PTPRT: variants seen among roughly 807,000 people sequenced by gnomAD.
The protein encoded by PTPRT is protein tyrosine phosphatase receptor type T, also known as receptor-type tyrosine-protein phosphatase T.
PTPRT carries 56 observed loss-of-function variants against 176.8 expected under a neutral mutation model. The ratio of observed to expected loss-of-function variants is 0.32; its 90% CI spans 0.26 to 0.40. The LOEUF is 0.40. Among genes scored for constraint, PTPRT ranks in the 10% least tolerant of loss-of-function variants. PTPRT has a pLI of 1.00. For synonymous variants in PTPRT, 783 were observed against 739.0 expected (o/e 1.06, Z -0.96); for missense variants, 1,540 against 1,908.2 (o/e 0.81, Z 3.60).
chr20:42,964,119 G>A (rs1982159038), intron 1 of PTPRT, among the ~76,000 whole-genome samples: 1 of 152,016 alleles, frequency 6.6e-6, no homozygotes. Context: ...ACAAGCATAA[G>A]AAATAGAAAG....
chr20:42,142,875 G>A (rs776877533), intron 17 of PTPRT, among the ~76,000 whole-genome samples: 1 of 152,160 alleles, frequency 6.6e-6, no homozygotes, highest in Non-Finnish European at 1.5e-5. Context: ...ATTAATGATA[G>A]ATACTATAAT....
intron 7 of PTPRT, among the ~76,000 whole-genome samples, chr20:42,650,735 G>A (rs2075014672): frequency 6.6e-6 from 1 of 152,164 alleles, no homozygotes; most frequent in Admixed American, 6.5e-5. Flanking sequence ...GAATACTTAT[G>A]CAAAGATAAA....
intron 12 of PTPRT, among the ~76,000 whole-genome samples, chr20:42,284,761 T>C (rs2057200682): frequency 6.6e-6 from 1 of 151,926 alleles, no homozygotes; most frequent in South Asian, 2.1e-4. Context: ...AACAAGTGTT[T>C]TCTTCTTCAT....
At position 42,074,066 on chromosome 20, in the gene PTPRT, C is replaced by T; in HGVS notation, c.*6813G>A. 1 of 229,804 alleles carries T rather than the reference C, an allele frequency of 4.4e-6. No individual in the cohort carries two copies. Among genetic ancestry groups the T allele is most frequent in the Non-Finnish European group, 8.6e-6 (1 of 115,900 alleles). 14.2% of individuals were successfully genotyped at this position (229,804 alleles called of 1,614,324 possible). A position where few individuals can be genotyped will look rare whatever the true frequency, so the allele number is the denominator to read the frequency against. ...GTGCTTGACTTCATCCAAGAATCTG[C>T]AGAGCTATGGAAGATATGGACACCA... On this transcript the variant is annotated 3_prime_UTR_variant, in exon 31 of 31. Transcript: ENST00000373187.
chr20:42,802,621 G>A (rs890385420), intron 2 of PTPRT, among the ~76,000 whole-genome samples: 2 of 152,256 alleles, frequency 1.3e-5, no homozygotes, highest in South Asian at 2.1e-4. Flanking sequence ...TTTTTTTAAC[G>A]TAAAGGTATT....
intron 9 of PTPRT, among the ~76,000 whole-genome samples, chr20:42,379,140 A>G (rs1372144516): frequency 6.6e-6 from 1 of 152,164 alleles, no homozygotes; most frequent in African/African-American, 2.4e-5. Context: ...TCTTATGCCT[A>G]CCACTCCCTC....
chr20:43,076,237 C>T (rs1365118193), intron 1 of PTPRT, among the ~76,000 whole-genome samples: 7 of 152,110 alleles, frequency 4.6e-5, no homozygotes, highest in Admixed American at 3.9e-4. Context: ...TCTACCTTCC[C>T]AGTTTCTCAT....
intron 1 of PTPRT, among the ~76,000 whole-genome samples, chr20:43,128,524 T>C (rs928625712): frequency 6.6e-6 from 1 of 152,122 alleles, no homozygotes; most frequent in Non-Finnish European, 1.5e-5. Context: ...GGCCCCAAAA[T>C]AGTCAGGTGA....
chr20:42,996,549 A>G (rs746559984), intron 1 of PTPRT, among the ~76,000 whole-genome samples: 3 of 152,202 alleles, frequency 2.0e-5, no homozygotes, highest in African/African-American at 7.2e-5. Flanking sequence ...TCCACTTTGC[A>G]CACACAAGCT....
At chr20:42,986,385 C>A (rs6124514) in intron 1 of PTPRT, among the ~76,000 whole-genome samples, 1 of 152,108 alleles carries the variant, frequency 6.6e-6, no homozygotes, top group South Asian at 2.1e-4. Context: ...CATTTTAGGA[C>A]GACCAGCGTT....
At chr20:42,737,348 G>A (rs2076555399) in intron 6 of PTPRT, among the ~76,000 whole-genome samples, 3 of 152,124 alleles carry the variant, frequency 2.0e-5, no homozygotes, top group Admixed American at 1.3e-4. Context: ...GAAGAGGCAT[G>A]GGCTGGGCAT....
intron 6 of PTPRT, among the ~76,000 whole-genome samples, chr20:42,733,398 G>C (rs973221148): frequency 6.6e-6 from 1 of 152,186 alleles, no homozygotes; most frequent in Non-Finnish European, 1.5e-5. Context: ...TCTTTGCTTT[G>C]CCTTGTGAAG....
chr20:43,079,091 C>T (rs1039497081), intron 1 of PTPRT, among the ~76,000 whole-genome samples: 12 of 152,080 alleles, frequency 7.9e-5, no homozygotes, highest in African/African-American at 2.2e-4. Flanking sequence ...TTTTTAAGCA[C>T]GACCACCACC....
chr20:42,268,335 G>A (rs2056873618), intron 13 of PTPRT, among the ~76,000 whole-genome samples: 1 of 152,178 alleles, frequency 6.6e-6, no homozygotes, highest in Non-Finnish European at 1.5e-5. Context: ...AAGAACAAAA[G>A]CACCTGATAT....
rs1601095737 is a variant in PTPRT at position 42,476,794 on chromosome 20, A to C, written c.1154-4232T>G. 2.0e-5 allele frequency among the ~76,000 whole-genome samples: 3 copies of C among 152,248 alleles called. No individual in the cohort carries two copies. In the South Asian group the frequency reaches 6.2e-4, roughly 32 times the overall value. On this transcript the variant is annotated intron_variant, in intron 7 of 30. Coordinates refer to ENST00000373187, the MANE Select transcript of PTPRT (RefSeq NM_007050.6). ...CTACCCTTAGCACTTGTGTCCTAAA[A>C]ACAACTCGACGGTATAGGAAGTTGA... is the stretch of plus-strand genomic sequence containing the variant.
chr20:42,715,621 A>G (rs1033479631), intron 6 of PTPRT, among the ~76,000 whole-genome samples: 2 of 152,194 alleles, frequency 1.3e-5, no homozygotes, highest in African/African-American at 2.4e-5. Context: ...ATGGATACAT[A>G]TACACAAATA....
intron 18 of PTPRT, among the ~76,000 whole-genome samples, chr20:42,137,586 T>C (rs903614395): frequency 7.2e-5 from 11 of 152,206 alleles, no homozygotes; most frequent in African/African-American, 2.7e-4. Context: ...ACAGACTTGC[T>C]GTGTGCTCTC....
At chr20:42,374,791 G>A (rs2058631145) in intron 9 of PTPRT, among the ~76,000 whole-genome samples, 1 of 152,168 alleles carries the variant, frequency 6.6e-6, no homozygotes, top group African/African-American at 2.4e-5. Flanking sequence ...TGGAGTGAGA[G>A]TTTCATGCAT....
At chr20:43,087,527 C>T (rs1041852784) in intron 1 of PTPRT, among the ~76,000 whole-genome samples, 1 of 151,998 alleles carries the variant, frequency 6.6e-6, no homozygotes, top group Non-Finnish European at 1.5e-5. Context: ...CCATGCCCAG[C>T]TAATGTTTGC....
Sources: allele counts gnomAD v4.1 joint callset (sites outside exome capture counted in the v4.1 genomes callset), GRCh38; gene constraint gnomAD v4.1.1; transcripts MANE v1.5; gene names NCBI Gene and HGNC (gene_info 2026-07-23, HGNC 2026-07-21).